Variants in ITGB8 observed in about 807,000 individuals in gnomAD.
ITGB8 encodes the protein integrin beta-8.
ITGB8 carries 30 observed loss-of-function variants against 89.5 expected under a neutral mutation model. That is an observed-to-expected ratio of 0.34 (90% confidence interval 0.25 to 0.45). ITGB8 has a LOEUF of 0.45. ITGB8 is among the 20% of genes least tolerant of loss of function. The pLI is 1.00. For synonymous variants in ITGB8, 335 were observed against 320.4 expected, an observed-to-expected ratio of 1.05 and a Z score of -0.49; for missense variants, 836 against 933.3, an observed-to-expected ratio of 0.90 and a Z score of 1.36.
At chr7:20,393,190 T>C (rs1400596361) in intron 7 of ITGB8, among the ~76,000 whole-genome samples, 1 of 152,248 alleles carries the variant, frequency 6.6e-6, no homozygotes, top group Non-Finnish European at 1.5e-5. Flanking sequence ...GCTTCCTCTT[T>C]GCTGTTTCTC....
In ITGB8 at chr7:20,402,078, GAA is replaced by G; in HGVS notation, c.1642_1643del (p.Lys548GlyfsTer2). The G allele has an allele frequency of 6.2e-7, 1 of 1,613,950 alleles. No individual in the cohort carries two copies. The highest frequency in any genetic ancestry group is 8.5e-7 in the Non-Finnish European group (1 of 1,179,902). On this transcript the variant is annotated frameshift_variant, in exon 10 of 14. Coordinates refer to ENST00000222573, the MANE Select transcript of ITGB8 (RefSeq NM_002214.3). LOFTEE classifies it high-confidence loss of function. ...KLGKVYGKYC[E>X]KDDFSCPYHH... ...TGGAAAAGTGTATGGAAAATACTGT[GAA>G]AAGGATGACTTTTCTTGTCCATATC...
chr7:20,350,115 A>G (rs1196776430), intron 1 of ITGB8, among the ~76,000 whole-genome samples: 3 of 152,206 alleles, frequency 2.0e-5, no homozygotes, highest in Non-Finnish European at 4.4e-5. Flanking sequence ...TTAAAAAACA[A>G]AAACAAAAAC....
chr7:20,355,952 C>G (rs1785278741), intron 1 of ITGB8, among the ~76,000 whole-genome samples: 1 of 152,194 alleles, frequency 6.6e-6, no homozygotes, highest in African/African-American at 2.4e-5. Flanking sequence ...ACATCTGCTT[C>G]TTTGTCTATT....
At chr7:20,359,112 T>A in intron 1 of ITGB8, among the ~76,000 whole-genome samples, 1 of 152,320 alleles carries the variant, frequency 6.6e-6, no homozygotes, top group South Asian at 2.1e-4. Context: ...CAGCCCACCA[T>A]TGAAGGGCAC....
chr7:20,376,013 T>C (rs147044957), intron 3 of ITGB8, among the ~76,000 whole-genome samples: 3,193 of 152,226 alleles, frequency 0.021, 101 homozygotes, highest in African/African-American at 0.072. Flanking sequence ...ATGGGGCTTG[T>C]CCTACTTGGG....
At chr7:20,395,622 A>G (rs946509749) in intron 8 of ITGB8, among the ~76,000 whole-genome samples, 1 of 152,202 alleles carries the variant, frequency 6.6e-6, no homozygotes, top group Non-Finnish European at 1.5e-5. Flanking sequence ...GTCATTCCTG[A>G]ATAGAACCAC....
intron 6 of ITGB8, among the ~76,000 whole-genome samples, chr7:20,389,059 T>C (rs1398363918): frequency 6.6e-6 from 1 of 152,230 alleles, no homozygotes. Context: ...TTGGGTTGGT[T>C]CCAAGTCTTT....
At position 20,415,036 on chromosome 7, in the gene ITGB8, G is replaced by A. The variant is rs1165696987; in HGVS notation, c.*5039G>A. The stretch of plus-strand genomic sequence containing the variant: ...CAAGGATGGAAAATGTGTGATTTGT[G>A]TAAACAATTTTTACCAACTTTACAT... On this transcript the variant is annotated 3_prime_UTR_variant, in exon 14 of 14. Coordinates refer to ENST00000222573, the MANE Select transcript of ITGB8 (RefSeq NM_002214.3). The A allele has an allele frequency of 6.6e-6, 1 of 152,350 alleles. No homozygotes were observed. The highest frequency in any genetic ancestry group is 2.4e-5 in the African/African-American group (1 of 41,392). The allele number at this position is 152,350 out of a possible 1,614,324, so 9.4% of individuals were successfully genotyped here.
chr7:20,400,705 T>C (rs1039858152), intron 9 of ITGB8, among the ~76,000 whole-genome samples: 3 of 152,162 alleles, frequency 2.0e-5, no homozygotes, highest in Admixed American at 1.3e-4. Context: ...AAGAAAACAT[T>C]TGACCAATTC....
intron 1 of ITGB8, among the ~76,000 whole-genome samples, chr7:20,344,070 CAG>C (rs1252396277): frequency 6.6e-6 from 1 of 151,958 alleles, no homozygotes; most frequent in Non-Finnish European, 1.5e-5. Context: ...GCTATGGGGA[CAG>C]AGAGGAAGTA....
chr7:20,344,363 A>G (rs1026184357), intron 1 of ITGB8, among the ~76,000 whole-genome samples: 3 of 152,222 alleles, frequency 2.0e-5, no homozygotes, highest in Admixed American at 1.3e-4. Flanking sequence ...TAGATTTTCA[A>G]TACATATGGT....
rs191845371 is a variant in ITGB8, at chr7:20,346,891, A to G, written c.127+14958A>G. ...GGTAGATTTGTTAGAACTTTATGCT[A>G]TGGTCTAAATGTTTTTGCTTCTCCA... On this transcript the variant is annotated intron_variant, in intron 1 of 13. Transcript: ENST00000222573. The G allele has an allele frequency of 1.1e-5, 11 of 976,930 alleles. No individual in the cohort carries two copies. The East Asian group carries it at 1.3e-3, about 111-fold the overall frequency. 60.5% of individuals were successfully genotyped at this position (976,930 alleles called of 1,614,324 possible). A position where few individuals can be genotyped will look rare whatever the true frequency, so the allele number is the denominator to read the frequency against.
intron 3 of ITGB8, among the ~76,000 whole-genome samples, chr7:20,370,684 C>T (rs903308833): frequency 5.3e-5 from 8 of 151,820 alleles, no homozygotes; most frequent in Admixed American, 1.3e-4. Flanking sequence ...GATCTCAGCT[C>T]GCTGCAACCT....
chr7:20,404,635 A>T lies in ITGB8; in HGVS notation c.1695A>T (p.Gly565=). ...YHHGNLCAGH[G]ECEAGRCQCF... is the part of the protein sequence containing the mutation. ...GCGGTGTCTTCCTCACAGGGCATGG[A>T]GAGTGTGAAGCAGGCAGATGCCAAT... Residue 565 remains glycine (G), a synonymous_variant, in exon 11 of 14, where the codon GGA becomes GGT. Transcript: ENST00000222573. 1 of 1,613,628 alleles carries T rather than the reference A, an allele frequency of 6.2e-7. No individual in the cohort carries two copies. The highest frequency in any genetic ancestry group is 8.5e-7 in the Non-Finnish European group (1 of 1,179,752).
rs148930284 is a variant in ITGB8 at position 20,351,853 on chromosome 7, G to T, written c.128-11784G>T. On this transcript the variant is annotated intron_variant, in intron 1 of 13. Transcript: ENST00000222573. ...ATTTTTTTTAACCTCCTTAACCATG[G>T]CATTTGAAGTTTGGACATGAATAAC... Among the ~76,000 whole-genome samples the T allele has an allele frequency of 3.8e-3, 574 of 149,666 alleles. 4 individuals carry two copies. The highest frequency in any genetic ancestry group is 0.013 in the African/African-American group (545 of 40,426).
At chr7:20,354,776 A>G (rs1311477394) in intron 1 of ITGB8, among the ~76,000 whole-genome samples, 1 of 152,262 alleles carries the variant, frequency 6.6e-6, no homozygotes, top group Non-Finnish European at 1.5e-5. Context: ...AGCCCCATTC[A>G]GAAACTTCTG....
chr7:20,369,558 C>G (rs750623185), intron 3 of ITGB8, among the ~76,000 whole-genome samples: 7 of 152,192 alleles, frequency 4.6e-5, no homozygotes, highest in Non-Finnish European at 7.3e-5. Context: ...CTAATCATAT[C>G]TCTCAGAGAC....
intron 3 of ITGB8, among the ~76,000 whole-genome samples, chr7:20,372,668 A>G (rs957218462): frequency 6.6e-6 from 1 of 152,078 alleles, no homozygotes; most frequent in African/African-American, 2.4e-5. Flanking sequence ...TAGGAGAGTG[A>G]AAAAAGAGAA....
At position 20,380,848 on chromosome 7, in the gene ITGB8, G is replaced by A; in HGVS notation, c.801+17G>A. The A allele has an allele frequency of 6.3e-7, 1 of 1,583,796 alleles. No individual in the cohort carries two copies. Among genetic ancestry groups the A allele is most frequent in the East Asian group, 2.2e-5 (1 of 44,498 alleles). Reference sequence around the variant, plus strand: ...GTCTGTGAAGTAAGACGTTTCACATGATCGAGTGTTTGCTAAGATGCCAAA... The same window carrying A: ...GTCTGTGAAGTAAGACGTTTCACATAATCGAGTGTTTGCTAAGATGCCAAA... On this transcript the variant is annotated intron_variant, in intron 5 of 13. Coordinates refer to ENST00000222573, the MANE Select transcript of ITGB8 (RefSeq NM_002214.3).
Sources: gnomAD v4.1 joint callset for allele counts (sites outside exome capture counted in the v4.1 genomes callset) on GRCh38, gnomAD v4.1.1 for gene constraint, MANE v1.5 for transcripts, NCBI Gene and HGNC (gene_info 2026-07-23, HGNC 2026-07-21) for gene names.